TNS3: variants seen among roughly 807,000 people sequenced by gnomAD.
TNS3 encodes the protein tensin 3.
A neutral mutation model predicts 140.9 loss-of-function variants in TNS3; 45 were observed. That is an observed-to-expected ratio of 0.32 (90% CI 0.25 to 0.41). TNS3 has a LOEUF of 0.41. Among genes scored for constraint, TNS3 ranks in the 10% least tolerant of loss-of-function variants. The pLI is 1.00. For synonymous variants in TNS3, 815 were observed against 788.4 expected (o/e 1.03, Z -0.56); for missense variants, 1,716 against 1,906.7 (o/e 0.90, Z 1.86).
intron 20 of TNS3, among the ~76,000 whole-genome samples, chr7:47,329,101 G>A (rs947288326): frequency 1.3e-5 from 2 of 152,050 alleles, no homozygotes; most frequent in South Asian, 2.1e-4. Context: ...CTCTGTTCCC[G>A]TGACCCGAAA....
intron 1 of TNS3, among the ~76,000 whole-genome samples, chr7:47,569,330 G>T (rs1444034264): frequency 6.8e-6 from 1 of 147,740 alleles, no homozygotes; most frequent in Admixed American, 6.7e-5. Context: ...ATCACCTGGG[G>T]TCAGGAGTTC....
chr7:47,543,140 A>G (rs1299310018), intron 1 of TNS3, among the ~76,000 whole-genome samples: 1 of 152,178 alleles, frequency 6.6e-6, no homozygotes, highest in Non-Finnish European at 1.5e-5. Flanking sequence ...GGCCCTGTCC[A>G]AACACAGACT....
At chr7:47,494,605 G>T (rs959307037) in intron 3 of TNS3, among the ~76,000 whole-genome samples, 23 of 152,172 alleles carry the variant, frequency 1.5e-4, no homozygotes, top group African/African-American at 5.3e-4. Context: ...GCTTTATTAA[G>T]AACAGAAAGG....
intron 17 of TNS3, among the ~76,000 whole-genome samples, chr7:47,352,302 T>G (rs886857557): frequency 1.3e-5 from 2 of 151,122 alleles, no homozygotes; most frequent in African/African-American, 4.9e-5. Context: ...ATTGTCACAC[T>G]CACATTCAGT....
intron 17 of TNS3, among the ~76,000 whole-genome samples, chr7:47,355,112 C>G (rs1789915963): frequency 6.6e-6 from 1 of 152,246 alleles, no homozygotes; most frequent in Non-Finnish European, 1.5e-5. Context: ...GAGCCGGCGT[C>G]AAGGACAGAT....
intron 1 of TNS3, among the ~76,000 whole-genome samples, chr7:47,566,092 T>C (rs905701917): frequency 3.3e-5 from 5 of 152,212 alleles, no homozygotes; most frequent in African/African-American, 1.2e-4. Flanking sequence ...CAACCCAAAG[T>C]GTCTGACGCA....
chr7:47,470,543 T>C, intron 4 of TNS3: 1 of 985,380 alleles, frequency 1.0e-6, no homozygotes, highest in South Asian at 4.7e-5. Flanking sequence ...CACACGACAA[T>C]ACTTCAGCCA....
At chr7:47,288,372 C>G (rs1429366476) in intron 27 of TNS3, among the ~76,000 whole-genome samples, 1 of 152,210 alleles carries the variant, frequency 6.6e-6, no homozygotes, top group African/African-American at 2.4e-5. Flanking sequence ...CACCGTTCTT[C>G]TGCGCTTTCT....
At chr7:47,546,969 G>A (rs1179676339) in intron 1 of TNS3, among the ~76,000 whole-genome samples, 1 of 152,232 alleles carries the variant, frequency 6.6e-6, no homozygotes, top group Non-Finnish European at 1.5e-5. Context: ...CCTCAGTCAC[G>A]CCCTGGGCTG....
chr7:47,495,337 C>CT (rs771038510), intron 3 of TNS3, among the ~76,000 whole-genome samples: 5 of 152,214 alleles, frequency 3.3e-5, no homozygotes, highest in Non-Finnish European at 5.9e-5. Flanking sequence ...AACTAAGTGC[C>CT]TGTCCTGTGG....
At chr7:47,558,066 A>T (rs1223916020) in intron 1 of TNS3, among the ~76,000 whole-genome samples, 2 of 152,180 alleles carry the variant, frequency 1.3e-5, no homozygotes, top group African/African-American at 4.8e-5. Context: ...TGAGCACACG[A>T]GGCAGGCCCA....
intron 1 of TNS3, 62 bp from the exon 2 acceptor site, chr7:47,529,209 T>A: frequency 1.1e-6 from 1 of 910,386 alleles, no homozygotes; most frequent in Non-Finnish European, 1.5e-6. Context: ...TTTTTCCTTT[T>A]CATTTAAGGG....
chr7:47,560,164 G>A (rs1179335426), intron 1 of TNS3, among the ~76,000 whole-genome samples: 1 of 152,060 alleles, frequency 6.6e-6, no homozygotes, highest in South Asian at 2.1e-4. Context: ...CAAGGTGATG[G>A]TATGAGGAGC....
chr7:47,352,256 C>T (rs560379869), intron 17 of TNS3, among the ~76,000 whole-genome samples: 1 of 152,298 alleles, frequency 6.6e-6, no homozygotes, highest in East Asian at 1.9e-4. Flanking sequence ...CACTCACACA[C>T]GTGCAGTCTC....
intron 23 of TNS3, among the ~76,000 whole-genome samples, chr7:47,300,333 G>A (rs951938620): frequency 3.9e-5 from 6 of 152,148 alleles, no homozygotes; most frequent in Non-Finnish European, 8.8e-5. Flanking sequence ...ACCAACACTC[G>A]ATGCACATGT....
chr7:47,400,709 GGATA>G, intron 14 of TNS3, 72 bp downstream of exon 14: 1 of 1,581,198 alleles, frequency 6.3e-7, no homozygotes, highest in South Asian at 1.2e-5. Context: ...AGGGTAAAGG[GGATA>G]GTGAAAGAAT....
chr7:47,341,304 G>C (rs1182523869), intron 20 of TNS3, among the ~76,000 whole-genome samples: 1 of 152,166 alleles, frequency 6.6e-6, no homozygotes, highest in Non-Finnish European at 1.5e-5. Flanking sequence ...GGAAGGTATT[G>C]CGTAGAATCA....
intron 3 of TNS3, among the ~76,000 whole-genome samples, chr7:47,491,099 G>A (rs933634377): frequency 9.2e-5 from 14 of 152,180 alleles, no homozygotes; most frequent in Non-Finnish European, 1.8e-4. Context: ...AGCACGAGGC[G>A]GGCAGACATG....
chr7:47,454,247 TC>T (rs756681422), intron 4 of TNS3, among the ~76,000 whole-genome samples: 1 of 152,016 alleles, frequency 6.6e-6, no homozygotes, highest in Non-Finnish European at 1.5e-5. Context: ...CAGGCTCAGC[TC>T]CACAAGGCAG....
Sources: gnomAD v4.1 joint callset for allele counts (sites outside exome capture counted in the v4.1 genomes callset) on GRCh38, gnomAD v4.1.1 for gene constraint, MANE v1.5 for transcripts, NCBI Gene and HGNC (gene_info 2026-07-23, HGNC 2026-07-21) for gene names.